WDR41: variants seen among roughly 807,000 people sequenced by gnomAD.
WDR41 encodes WD repeat-containing protein 41.
Under a neutral mutation model 69.3 loss-of-function variants are expected in WDR41, and 63 were observed. The observed-to-expected ratio is 0.91, with a 90% CI of 0.74 to 1.12. The LOEUF (loss-of-function observed/expected upper bound fraction) is 1.12. Among genes scored for constraint, WDR41 ranks in the 50% most tolerant of loss-of-function variants. The pLI is 0.00. For missense variants in WDR41, 543 were observed against 534.5 expected, an observed-to-expected ratio of 1.02 and a Z score of -0.16; for synonymous variants, 185 against 192.1, an observed-to-expected ratio of 0.96 and a Z score of 0.31.
chr5:77,568,432 T>C (rs1176908319), intron 1 of WDR41, among the ~76,000 whole-genome samples: 5 of 152,176 alleles, frequency 3.3e-5, no homozygotes, highest in Admixed American at 1.3e-4. Flanking sequence ...AACCCATTCT[T>C]CCTGAGATTA....
In WDR41 at chr5:77,443,499, T is replaced by C. The variant is rs115494495; in HGVS notation, c.698-2502A>G. Among the ~76,000 whole-genome samples the C allele has an allele frequency of 8.4e-3, 1,287 of 152,322 alleles. 25 individuals carry two copies. The highest frequency in any genetic ancestry group is 0.03 in the African/African-American group (1,232 of 41,568). On this transcript the variant is annotated intron_variant, in intron 8 of 12. Transcript: ENST00000296679. ...ATTAATATCTAATTTCTATAGTTTA[T>C]TAACAGACTCTATAGAACTTGCTCT...
intron 1 of WDR41, among the ~76,000 whole-genome samples, chr5:77,562,085 G>C (rs142055480): frequency 7.9e-5 from 12 of 152,278 alleles, no homozygotes; most frequent in African/African-American, 2.9e-4. Context: ...GTTTTGTTTG[G>C]ATTGAGATGG....
At chr5:77,615,554 GT>G (rs1744663618) in intron 1 of WDR41, among the ~76,000 whole-genome samples, 1 of 151,824 alleles carries the variant, frequency 6.6e-6, no homozygotes, top group Non-Finnish European at 1.5e-5. Context: ...AAAATTGATG[GT>G]TACTATAATA....
At chr5:77,547,716 T>G (rs1051340104) in intron 1 of WDR41, among the ~76,000 whole-genome samples, 1 of 152,068 alleles carries the variant, frequency 6.6e-6, no homozygotes, top group African/African-American at 2.4e-5. Context: ...CCAAAAGCAA[T>G]CTACAAATTC....
At chr5:77,492,854 A>G (rs534178963), upstream of WDR41, among the ~76,000 whole-genome samples, 2 of 152,324 alleles carry the variant, frequency 1.3e-5, no homozygotes, top group South Asian at 2.1e-4. Context: ...GTAAACCTAT[A>G]TCCTCTATTT....
chr5:77,583,706 C>T (rs1743984773), intron 1 of WDR41, among the ~76,000 whole-genome samples: 1 of 152,044 alleles, frequency 6.6e-6, no homozygotes, highest in African/African-American at 2.4e-5. Flanking sequence ...GAAGGAATCC[C>T]AATTCCAAAA....
chr5:77,505,495 G>A (rs113349737), intron 1 of WDR41, among the ~76,000 whole-genome samples: 9,679 of 152,004 alleles, frequency 0.064, 617 homozygotes, highest in East Asian at 0.26. Context: ...TCAAGCTACT[G>A]ATGACTTTCT....
At chr5:77,500,784 T>G (rs987307959) in intron 1 of WDR41, among the ~76,000 whole-genome samples, 13 of 152,142 alleles carry the variant, frequency 8.5e-5, no homozygotes, top group Admixed American at 2.6e-4. Flanking sequence ...CTAATAGGTA[T>G]AAAGAAGGGC....
intron 1 of WDR41, among the ~76,000 whole-genome samples, chr5:77,617,688 T>C (rs1231509922): frequency 6.6e-6 from 1 of 152,134 alleles, no homozygotes; most frequent in Non-Finnish European, 1.5e-5. Context: ...ATTAGGTAGG[T>C]ACGTGTCAAA....
In WDR41 at chr5:77,438,324, T is replaced by A; in HGVS notation, c.920A>T (p.Tyr307Phe). 8 of 1,614,072 alleles carry A rather than the reference T, an allele frequency of 5.0e-6. No individual in the cohort carries two copies. The highest frequency in any genetic ancestry group is 5.9e-6 in the Non-Finnish European group (7 of 1,179,914). The change falls in exon 10 of 13, where the codon TAT becomes TTT. Residue 307 changes from tyrosine (Y) to phenylalanine (F), a missense_variant. By Grantham distance (22) the Tyr-to-Phe change is conservative (BLOSUM62 3). Transcript: ENST00000296679. Reference protein sequence around the residue: ...FAAVGRGLYVYSLQMKRVIAC... With the variant: ...FAAVGRGLYVFSLQMKRVIAC... ...AATCACACGCTTCATTTGAAGGCTA[T>A]ACACGTATAAACCCCTTCCAACTGC...
At chr5:77,469,444 T>C (rs59333616) in intron 2 of WDR41, among the ~76,000 whole-genome samples, 8,219 of 152,252 alleles carry the variant, frequency 0.054, 377 homozygotes, top group South Asian at 0.13. Context: ...TCATCTAACA[T>C]GCACCTCTGT....
At chr5:77,565,351 C>T (rs1224090886) in intron 1 of WDR41, among the ~76,000 whole-genome samples, 1 of 152,166 alleles carries the variant, frequency 6.6e-6, no homozygotes, top group Non-Finnish European at 1.5e-5. Flanking sequence ...TTGCCAATTC[C>T]TAAAAGTCTC....
chr5:77,494,825 A>T (rs152953), upstream of WDR41, among the ~76,000 whole-genome samples: 1 of 151,940 alleles, frequency 6.6e-6, no homozygotes, highest in Non-Finnish European at 1.5e-5. Flanking sequence ...TAAAGAACAC[A>T]CTACCCAACA....
chr5:77,596,206 G>T (rs190231286), intron 1 of WDR41, among the ~76,000 whole-genome samples: 190 of 152,308 alleles, frequency 1.2e-3, no homozygotes, highest in African/African-American at 4.5e-3. Flanking sequence ...AGAGTGCAGT[G>T]GTGTGATCTT....
At chr5:77,504,385 G>A (rs1268751449) in intron 1 of WDR41, among the ~76,000 whole-genome samples, 1 of 152,110 alleles carries the variant, frequency 6.6e-6, no homozygotes, top group East Asian at 1.9e-4. Flanking sequence ...ATAATTAATA[G>A]CCTACCAACC....
intron 1 of WDR41, among the ~76,000 whole-genome samples, chr5:77,561,707 C>A (rs896539222): frequency 2.6e-5 from 4 of 152,068 alleles, no homozygotes; most frequent in Non-Finnish European, 5.9e-5. Flanking sequence ...GTTTACAACA[C>A]AAATTGTTCA....
chr5:77,442,061 G>A (rs1244139604), intron 8 of WDR41, among the ~76,000 whole-genome samples: 1 of 152,106 alleles, frequency 6.6e-6, no homozygotes, highest in East Asian at 1.9e-4. Context: ...AAAAGCATAA[G>A]AAATCAGCAC....
At chr5:77,584,621 GA>G (rs767018114) in intron 1 of WDR41, among the ~76,000 whole-genome samples, 1 of 152,136 alleles carries the variant, frequency 6.6e-6, no homozygotes, top group Non-Finnish European at 1.5e-5. Flanking sequence ...ATAAAGTGGG[GA>G]AAGGACACCC....
chr5:77,447,656 A>C (rs163016), intron 8 of WDR41, among the ~76,000 whole-genome samples: 1 of 152,060 alleles, frequency 6.6e-6, no homozygotes, highest in Admixed American at 6.5e-5. Context: ...TTCTCAGCAA[A>C]CTAACACAGG....
Sources: allele counts gnomAD v4.1 joint callset (sites outside exome capture counted in the v4.1 genomes callset), GRCh38; gene constraint gnomAD v4.1.1; transcripts MANE v1.5; gene names NCBI Gene and HGNC (gene_info 2026-07-23, HGNC 2026-07-21).